CACNB2: variants seen among roughly 807,000 people sequenced by gnomAD.
CACNB2 encodes the protein calcium voltage-gated channel auxiliary subunit beta 2.
Under a neutral mutation model 73.3 loss-of-function variants are expected in CACNB2, and 42 were observed. The observed-to-expected ratio is 0.57, with a 90% CI of 0.45 to 0.74. CACNB2 has a LOEUF of 0.74. CACNB2 is among the 30% of genes least tolerant of loss of function. The pLI is 0.00. For synonymous variants in CACNB2, 348 were observed against 310.3 expected, an observed-to-expected ratio of 1.12 and a Z score of -1.28; for missense variants, 940 against 853.0, an observed-to-expected ratio of 1.10 and a Z score of -1.27.
intron 2 of CACNB2, among the ~76,000 whole-genome samples, chr10:18,337,249 C>T (rs561364640): frequency 6.6e-6 from 1 of 152,106 alleles, no homozygotes; most frequent in South Asian, 2.1e-4. Flanking sequence ...CCCATCTCAG[C>T]CTCCTGAGTA....
At chr10:18,377,722 G>C (rs1382750179) in intron 2 of CACNB2, among the ~76,000 whole-genome samples, 1 of 152,234 alleles carries the variant, frequency 6.6e-6, no homozygotes, top group Non-Finnish European at 1.5e-5. Context: ...TGTGTGGTTA[G>C]AGCGGGGAAG....
intron 2 of CACNB2, chr10:18,261,043 G>GC (rs1422685145): frequency 2.9e-6 from 4 of 1,361,188 alleles, no homozygotes; most frequent in South Asian, 3.5e-5. Flanking sequence ...CTCAAATTAC[G>GC]CCCCCCACCC....
intron 3 of CACNB2, among the ~76,000 whole-genome samples, chr10:18,492,787 T>C (rs975703400): frequency 3.9e-5 from 6 of 152,200 alleles, no homozygotes; most frequent in Admixed American, 3.9e-4. Flanking sequence ...GTGGCAGATA[T>C]TAAACTGTGT....
chr10:18,351,063 A>C (rs777188357), intron 2 of CACNB2, among the ~76,000 whole-genome samples: 26 of 152,196 alleles, frequency 1.7e-4, no homozygotes, highest in Non-Finnish European at 3.4e-4. Flanking sequence ...TGGAAAAACA[A>C]TAGCATAGAG....
At chr10:18,378,406 T>C (rs1168466467) in intron 2 of CACNB2, among the ~76,000 whole-genome samples, 1 of 152,216 alleles carries the variant, frequency 6.6e-6, no homozygotes, top group Non-Finnish European at 1.5e-5. Context: ...CTAGATTTAA[T>C]TGCTTTATAC....
At chr10:18,485,602 C>T (rs1207163482) in intron 3 of CACNB2, among the ~76,000 whole-genome samples, 1 of 147,966 alleles carries the variant, frequency 6.8e-6, no homozygotes, top group Non-Finnish European at 1.5e-5. Context: ...CATTGTGTCG[C>T]CCAGGCTGGA....
At chr10:18,405,512 G>T (rs1157545711) in intron 3 of CACNB2, among the ~76,000 whole-genome samples, 1 of 152,056 alleles carries the variant, frequency 6.6e-6, no homozygotes, top group Non-Finnish European at 1.5e-5. Context: ...ATGTACTTTG[G>T]AGTGAAATTG....
At chr10:18,158,181 C>G (rs896919939) in intron 2 of CACNB2, among the ~76,000 whole-genome samples, 3 of 152,068 alleles carry the variant, frequency 2.0e-5, no homozygotes, top group African/African-American at 4.8e-5. Flanking sequence ...TTGGCGGAGG[C>G]TGATGTGGGC....
rs564236987 is a variant in CACNB2 at position 18,440,930 on chromosome 10, G to A, written c.333+38887G>A. Among the ~76,000 whole-genome samples, 3 of 152,310 alleles carry A rather than the reference G, an allele frequency of 2.0e-5. No homozygotes were observed. In the South Asian group the frequency reaches 6.2e-4, roughly 32 times the overall value. Reference sequence around the variant, plus strand: ...TGAATGTTAGAACATCTGATGGAAGGTGCTGAGCAAGAGTGGCATGATTTG... The same window carrying A: ...TGAATGTTAGAACATCTGATGGAAGATGCTGAGCAAGAGTGGCATGATTTG... On this transcript the variant is annotated intron_variant, in intron 3 of 13. Coordinates refer to ENST00000324631, the MANE Select transcript of CACNB2 (RefSeq NM_201596.3).
chr10:18,377,676 C>A (rs1361794815), intron 2 of CACNB2, among the ~76,000 whole-genome samples: 2 of 152,160 alleles, frequency 1.3e-5, no homozygotes, highest in Admixed American at 1.3e-4. Context: ...TCAACTTAGG[C>A]CCATGAGCTA....
intron 3 of CACNB2, among the ~76,000 whole-genome samples, chr10:18,427,227 G>T (rs1435243972): frequency 2.6e-5 from 4 of 152,054 alleles, no homozygotes; most frequent in Non-Finnish European, 5.9e-5. Flanking sequence ...ATCTTTAAAG[G>T]TGGTCATATG....
At chr10:18,255,653 C>T (rs1368271111) in intron 2 of CACNB2, among the ~76,000 whole-genome samples, 1 of 152,054 alleles carries the variant, frequency 6.6e-6, no homozygotes, top group Non-Finnish European at 1.5e-5. Context: ...GACAGTTGGT[C>T]CTTTTTTTGT....
At chr10:18,497,687 A>G (rs568324480) in intron 3 of CACNB2, among the ~76,000 whole-genome samples, 30 of 152,266 alleles carry the variant, frequency 2.0e-4, no homozygotes, top group African/African-American at 7.0e-4. Flanking sequence ...GGCCTCACAA[A>G]ATGCTGGGAT....
At position 18,269,628 on chromosome 10, in the gene CACNB2, G is replaced by A. The variant is rs532659830; in HGVS notation, c.213+118653G>A. Among the ~76,000 whole-genome samples, 3 of 152,260 alleles carry A rather than the reference G, an allele frequency of 2.0e-5. No individual in the cohort carries two copies. In the East Asian group the frequency reaches 5.8e-4, roughly 29 times the overall value. ...CTACCAAATCAATATGCCCAGCCCA[G>A]ATCTTTCTTCCAAGTTTTAGACCCA... On this transcript the variant is annotated intron_variant, in intron 2 of 13. Transcript: ENST00000324631.
chr10:18,223,633 T>G (rs779518515), intron 2 of CACNB2, among the ~76,000 whole-genome samples: 4 of 152,146 alleles, frequency 2.6e-5, no homozygotes, highest in Non-Finnish European at 4.4e-5. Flanking sequence ...AAAATGAAAT[T>G]TTTCAGTATA....
chr10:18,314,447 T>G (rs776453654), intron 2 of CACNB2, among the ~76,000 whole-genome samples: 6 of 152,196 alleles, frequency 3.9e-5, no homozygotes, highest in Admixed American at 1.3e-4. Context: ...ACTTTTTGTT[T>G]GTTACATCAG....
chr10:18,451,218 T>G (rs573604032), intron 3 of CACNB2, among the ~76,000 whole-genome samples: 46 of 152,316 alleles, frequency 3.0e-4, no homozygotes, highest in Non-Finnish European at 6.5e-4. Flanking sequence ...AGCCTCCTGA[T>G]GTGAGAAAAG....
intron 3 of CACNB2, among the ~76,000 whole-genome samples, chr10:18,450,737 C>G (rs540811397): frequency 1.3e-5 from 2 of 151,542 alleles, no homozygotes; most frequent in Middle Eastern, 3.4e-3. Flanking sequence ...ATTCTCCCCT[C>G]TCAGTCTCCT....
chr10:18,230,837 T>C (rs1442346107), intron 2 of CACNB2, among the ~76,000 whole-genome samples: 2 of 110,648 alleles, frequency 1.8e-5, no homozygotes, highest in East Asian at 4.3e-4. Context: ...AGATCATTTT[T>C]TGTAGCTTTT....
Sources: gnomAD v4.1 joint callset for allele counts (sites outside exome capture counted in the v4.1 genomes callset) on GRCh38, gnomAD v4.1.1 for gene constraint, MANE v1.5 for transcripts, NCBI Gene and HGNC (gene_info 2026-07-23, HGNC 2026-07-21) for gene names.